The following PARP11 variants were observed in gnomAD, a reference collection of about 807,000 sequenced individuals.
PARP11 encodes protein mono-ADP-ribosyltransferase PARP11.
PARP11 carries 31 observed loss-of-function variants against 42.9 expected under a neutral mutation model. That is an observed-to-expected ratio of 0.72 (90% CI 0.54 to 0.98). The LOEUF (loss-of-function observed/expected upper bound fraction) is 0.98. PARP11 is among the 50% of genes least tolerant of loss of function. The probability of loss-of-function intolerance (pLI) is 0.00; values close to 1 mark genes in which losing one functional copy is unlikely to be tolerated. For synonymous variants in PARP11, 137 were observed against 127.3 expected (o/e 1.08, Z -0.51); for missense variants, 365 against 413.1 (o/e 0.88, Z 1.01).
intron 6 of PARP11, among the ~76,000 whole-genome samples, chr12:3,820,540 C>A (rs1565532236): frequency 6.6e-6 from 1 of 152,116 alleles, no homozygotes; most frequent in African/African-American, 2.4e-5. Context: ...ATAAAATGTT[C>A]TAGGGAGTCA....
intron 1 of PARP11, among the ~76,000 whole-genome samples, chr12:3,871,086 G>A (rs1178300105): frequency 6.6e-6 from 1 of 152,176 alleles, no homozygotes; most frequent in Non-Finnish European, 1.5e-5. Context: ...CAGACCAACA[G>A]ACTAGTTTCT....
intron 1 of PARP11, among the ~76,000 whole-genome samples, chr12:3,833,880 T>G (rs1947700421): frequency 2.6e-5 from 4 of 152,150 alleles, no homozygotes; most frequent in Admixed American, 2.6e-4. Context: ...TTCCAGTCTG[T>G]GGCTAGTTTT....
intron 1 of PARP11, among the ~76,000 whole-genome samples, chr12:3,851,705 A>G (rs1948097877): frequency 6.6e-6 from 1 of 152,264 alleles, no homozygotes; most frequent in African/African-American, 2.4e-5. Context: ...AAAAGGCAGC[A>G]GAAACTTCTG....
At chr12:3,817,252 G>A (rs1361748055) in intron 6 of PARP11, among the ~76,000 whole-genome samples, 1 of 151,996 alleles carries the variant, frequency 6.6e-6, no homozygotes, top group Admixed American at 6.6e-5. Context: ...ATCTCGGTTT[G>A]AAAATTCACT....
chr12:3,815,370 T>C (rs1227260283), intron 6 of PARP11, among the ~76,000 whole-genome samples: 1 of 152,214 alleles, frequency 6.6e-6, no homozygotes, highest in Non-Finnish European at 1.5e-5. Flanking sequence ...GTTACTTCTA[T>C]TGATTGGTCT....
At chr12:3,871,265 TAGG>T (rs1215360390) in intron 1 of PARP11, among the ~76,000 whole-genome samples, 4 of 152,356 alleles carry the variant, frequency 2.6e-5, no homozygotes, top group African/African-American at 7.2e-5. Flanking sequence ...TATCTCAGCA[TAGG>T]AGTAGTTTCT....
intron 1 of PARP11, among the ~76,000 whole-genome samples, chr12:3,831,513 G>T (rs536903411): frequency 6.6e-6 from 1 of 152,096 alleles, no homozygotes; most frequent in Non-Finnish European, 1.5e-5. Flanking sequence ...AATGAAAAAT[G>T]ATAGACTCCT....
chr12:3,842,672 A>G (rs991321315), intron 1 of PARP11: 6 of 605,606 alleles, frequency 9.9e-6, no homozygotes, highest in African/African-American at 5.5e-5. Context: ...CATTGTGGAC[A>G]TGAGTTCAAG....
rs750297073 is a variant in PARP11, at chr12:3,828,989, GA to G, written c.188del (p.Ile63ThrfsTer24). The part of the protein sequence containing the change: ...NSQCSVSSED[I>X]EKSFKTNPCG... ...AAGGGTTTGTTTTGAAGCTTTTTTC[GA>G]TATCTTCACTGCTAACTGAACACTG... On this transcript the variant is annotated frameshift_variant, in exon 3 of 8. Transcript: ENST00000228820. LOFTEE classifies it high-confidence loss of function. 5.6e-6 allele frequency: 9 copies of G among 1,613,818 alleles called. No individual in the cohort carries two copies. In the South Asian group the frequency reaches 8.8e-5, roughly 16 times the overall value.
At chr12:3,839,617 A>G (rs1413265643) in intron 1 of PARP11, 2 of 1,072,470 alleles carry the variant, frequency 1.9e-6, no homozygotes, top group Non-Finnish European at 2.9e-6. Flanking sequence ...ACAAATGGAA[A>G]TAAGTGCCCT....
chr12:3,829,125 G>A, intron 2 of PARP11, 95 bp from the exon 3 acceptor site: 1 of 1,353,936 alleles, frequency 7.4e-7, no homozygotes, highest in South Asian at 1.3e-5. Context: ...AGGGAATGGA[G>A]GGGCGAGGGA....
chr12:3,819,984 T>C (rs921911778), intron 6 of PARP11, among the ~76,000 whole-genome samples: 2 of 152,202 alleles, frequency 1.3e-5, no homozygotes, highest in East Asian at 3.8e-4. Context: ...CCTTCTCCTA[T>C]CCAACTGGTG....
chr12:3,849,674 A>G (rs546187264), intron 1 of PARP11, among the ~76,000 whole-genome samples: 48 of 152,268 alleles, frequency 3.2e-4, no homozygotes, highest in African/African-American at 1.1e-3. Context: ...AGACTGATTA[A>G]AAGAGGTTGA....
chr12:3,821,988 T>C lies in PARP11; in HGVS notation c.433A>G (p.Asn145Asp). ...ACTTCATTATATTCATGTGTTTGAT[T>C]GTGCAGAGGAATAAGCTGGAAAAAT... ...QVPYQLIPLHNQTHEYNEVAN... is the reference protein window; with the variant it reads ...QVPYQLIPLHDQTHEYNEVAN... The change falls in exon 6 of 8, where the codon AAT becomes GAT. Residue 145 changes from asparagine to aspartate, a missense_variant. Coordinates refer to ENST00000228820, the MANE Select transcript of PARP11 (RefSeq NM_020367.6). 6.2e-7 allele frequency: 1 copy of C among 1,607,184 alleles called. No individual in the cohort carries two copies. Among genetic ancestry groups the C allele is most frequent in the Non-Finnish European group, 8.5e-7 (1 of 1,177,678 alleles).
intron 1 of PARP11, among the ~76,000 whole-genome samples, chr12:3,844,882 G>T (rs2138081055): frequency 6.6e-6 from 1 of 152,286 alleles, no homozygotes; most frequent in African/African-American, 2.4e-5. Context: ...TAGTCCACGG[G>T]ATTTTGCCTT....
Position 3,840,469 on chromosome 12 carries a change from G to A in PARP11, c.19-10451C>T, listed in dbSNP as rs1947862129. On this transcript the variant is annotated intron_variant, in intron 1 of 7. Coordinates refer to ENST00000228820, the MANE Select transcript of PARP11 (RefSeq NM_020367.6). This position sits in a 1 kb window ranked among gnomAD's most constrained non-coding sequence, Gnocchi z 4.4. ...GCATCCTTCAGGAGTAAGACAACGT[G>A]AGTTCTCTAGTCATTCTTCAGGGTC... 4 of 1,612,566 alleles carry A rather than the reference G, an allele frequency of 2.5e-6. No homozygotes were observed. Among genetic ancestry groups the A allele is most frequent in the East Asian group, 2.2e-5 (1 of 44,880 alleles).
chr12:3,871,977 T>C (rs1292650919), intron 1 of PARP11: 1 of 152,068 alleles, frequency 6.6e-6, no homozygotes, highest in Non-Finnish European at 1.5e-5. Flanking sequence ...GAAACTAGGA[T>C]CCCTCTCCTA....
intron 3 of PARP11, among the ~76,000 whole-genome samples, chr12:3,827,781 G>A (rs1378765368): frequency 1.3e-5 from 2 of 152,118 alleles, no homozygotes; most frequent in Admixed American, 6.5e-5. Flanking sequence ...TTCATCCAAG[G>A]GGATTTCCTA....
chr12:3,835,152 T>C (rs1414568327), intron 1 of PARP11, among the ~76,000 whole-genome samples: 1 of 152,070 alleles, frequency 6.6e-6, no homozygotes, highest in Non-Finnish European at 1.5e-5. Flanking sequence ...CCCTGAACTA[T>C]AATAGCAGCC....
Sources: allele counts gnomAD v4.1 joint callset (sites outside exome capture counted in the v4.1 genomes callset), GRCh38; gene constraint gnomAD v4.1.1; non-coding constraint Gnocchi (gnomAD v3.1); transcripts MANE v1.5; gene names NCBI Gene and HGNC (gene_info 2026-07-23, HGNC 2026-07-21).